The following EML4 variants were observed in gnomAD, a reference collection of about 807,000 sequenced individuals.
The protein encoded by EML4 is EMAP like 4, also known as echinoderm microtubule-associated protein-like 4.
EML4 carries 72 observed loss-of-function variants against 129.0 expected under a neutral mutation model. The observed-to-expected ratio is 0.56, with a 90% confidence interval of 0.46 to 0.68. The LOEUF (loss-of-function observed/expected upper bound fraction) is 0.68. Ranked by LOEUF, EML4 falls within the 30% of genes least tolerant of loss-of-function variation. EML4 has a pLI of 0.00. For synonymous variants in EML4, 532 were observed against 405.0 expected (o/e 1.31, Z -3.77); for missense variants, 1,363 against 1,190.6 (o/e 1.14, Z -2.13).
At chr2:42,308,773 C>T (rs909624910) in intron 17 of EML4, among the ~76,000 whole-genome samples, 1 of 151,992 alleles carries the variant, frequency 6.6e-6, no homozygotes, top group Non-Finnish European at 1.5e-5. Context: ...CTCTAGGCAA[C>T]TGACCCACTT....
chr2:42,240,722 A>G (rs145106933), intron 1 of EML4, among the ~76,000 whole-genome samples: 1 of 152,344 alleles, frequency 6.6e-6, no homozygotes, highest in African/African-American at 2.4e-5. Flanking sequence ...TAGGATAGCA[A>G]CTTACTGAAA....
intron 1 of EML4, among the ~76,000 whole-genome samples, chr2:42,206,285 C>G (rs552671211): frequency 6.6e-6 from 1 of 152,246 alleles, no homozygotes; most frequent in East Asian, 1.9e-4. Flanking sequence ...ATAATTGTAG[C>G]TTAGTATAGC....
At chr2:42,261,078 T>C (rs747516104) in intron 3 of EML4, 43 bp from the exon 4 acceptor site, 99 of 1,410,896 alleles carry the variant, frequency 7.0e-5, no homozygotes, top group Non-Finnish European at 9.3e-5. Flanking sequence ...TTTTTTTCAT[T>C]TGTTTAAATG....
chr2:42,216,626 C>A (rs1673210735), intron 1 of EML4, among the ~76,000 whole-genome samples: 1 of 152,072 alleles, frequency 6.6e-6, no homozygotes, highest in African/African-American at 2.4e-5. Context: ...TGTTCTTTTT[C>A]CATTTCATAT....
intron 6 of EML4, among the ~76,000 whole-genome samples, chr2:42,278,231 G>A (rs1666766211): frequency 6.6e-6 from 1 of 152,106 alleles, no homozygotes. Context: ...CTAGAGGCAG[G>A]GTTAAGTCGG....
intron 1 of EML4, among the ~76,000 whole-genome samples, chr2:42,236,653 A>G (rs542738589): frequency 6.6e-6 from 1 of 152,146 alleles, no homozygotes; most frequent in Non-Finnish European, 1.5e-5. Flanking sequence ...GTTGACTCCT[A>G]CTTTAGGTTA....
chr2:42,245,435 T>A (rs182648160), intron 1 of EML4, 70 bp from the exon 2 acceptor site: 1 of 1,411,700 alleles, frequency 7.1e-7, no homozygotes, highest in Non-Finnish European at 9.7e-7. Context: ...TGTGGGATGG[T>A]TTTTCTAATC....
chr2:42,323,673 A>ACAC, intron 19 of EML4, among the ~76,000 whole-genome samples: 1 of 151,744 alleles, frequency 6.6e-6, no homozygotes, highest in African/African-American at 2.4e-5. Context: ...GCAGTGGCTC[A>ACAC]CTATAATCCC....
At chr2:42,237,613 C>T (rs1674757660) in intron 1 of EML4, among the ~76,000 whole-genome samples, 1 of 152,166 alleles carries the variant, frequency 6.6e-6, no homozygotes, top group South Asian at 2.1e-4. Flanking sequence ...TCCCCAAAAA[C>T]CTGACTACTG....
intron 6 of EML4, among the ~76,000 whole-genome samples, chr2:42,273,813 TG>T (rs1666507013): frequency 6.6e-6 from 1 of 152,190 alleles, no homozygotes; most frequent in Non-Finnish European, 1.5e-5. Context: ...TTAGTTTATT[TG>T]GTTATCTACA....
intron 1 of EML4, among the ~76,000 whole-genome samples, chr2:42,182,306 C>G (rs1012091005): frequency 7.4e-6 from 1 of 134,512 alleles, no homozygotes; most frequent in Non-Finnish European, 1.6e-5. Flanking sequence ...TATCCCTCCC[C>G]CCTCCCCCCT....
At chr2:42,226,489 C>G (rs1287824726) in intron 1 of EML4, among the ~76,000 whole-genome samples, 2 of 151,488 alleles carry the variant, frequency 1.3e-5, no homozygotes, top group Non-Finnish European at 2.9e-5. Context: ...GAAACCCTGT[C>G]TCTACTAAAA....
At chr2:42,283,440 G>A (rs1302584385) in intron 8 of EML4, among the ~76,000 whole-genome samples, 2 of 152,018 alleles carry the variant, frequency 1.3e-5, no homozygotes, top group Admixed American at 6.6e-5. Context: ...CTACAAATGT[G>A]AGAACTCCTT....
chr2:42,253,459 G>A (rs1018908399), intron 2 of EML4, among the ~76,000 whole-genome samples: 2 of 152,074 alleles, frequency 1.3e-5, no homozygotes, highest in Non-Finnish European at 2.9e-5. Context: ...AAATAATGGG[G>A]CATATTACAG....
At chr2:42,182,930 T>C (rs919871515) in intron 1 of EML4, among the ~76,000 whole-genome samples, 5 of 152,120 alleles carry the variant, frequency 3.3e-5, no homozygotes, top group African/African-American at 1.2e-4. Flanking sequence ...AGATTTCCTC[T>C]TCTTATAAGG....
chr2:42,251,721 A>T (rs1675780686), intron 2 of EML4, among the ~76,000 whole-genome samples: 1 of 152,230 alleles, frequency 6.6e-6, no homozygotes, highest in South Asian at 2.1e-4. Flanking sequence ...AATTCAAGAT[A>T]AATAGAAGAT....
At chr2:42,244,102 T>TTTG (rs993562326) in intron 1 of EML4, among the ~76,000 whole-genome samples, 2 of 25,588 alleles carry the variant, frequency 7.8e-5, no homozygotes, top group Non-Finnish European at 1.7e-4. Context: ...TTGTTTTTTG[T>TTTG]TTTTTTTTTT....
intron 1 of EML4, among the ~76,000 whole-genome samples, chr2:42,179,036 G>C (rs1004528791): frequency 6.6e-6 from 1 of 152,138 alleles, no homozygotes; most frequent in Non-Finnish European, 1.5e-5. Context: ...TACTTGTAAG[G>C]GGGGGAAACA....
intron 17 of EML4, among the ~76,000 whole-genome samples, chr2:42,307,482 T>A (rs531518233): frequency 1.2e-4 from 19 of 152,170 alleles, no homozygotes; most frequent in Non-Finnish European, 2.4e-4. Flanking sequence ...TCTGGTTAGG[T>A]TCTGTTGATC....
Sources: gnomAD v4.1 joint callset for allele counts (sites outside exome capture counted in the v4.1 genomes callset) on GRCh38, gnomAD v4.1.1 for gene constraint, MANE v1.5 for transcripts, NCBI Gene and HGNC (gene_info 2026-07-23, HGNC 2026-07-21) for gene names.